TTC28: variants seen among roughly 807,000 people sequenced by gnomAD.
TTC28 encodes tetratricopeptide repeat protein 28.
A neutral mutation model predicts 198.0 loss-of-function variants in TTC28; 61 were observed. The ratio of observed to expected loss-of-function variants is 0.31; its 90% CI spans 0.25 to 0.38. The LOEUF is 0.38. Among genes scored for constraint, TTC28 ranks in the 10% least tolerant of loss-of-function variants. The pLI is 1.00. For missense variants in TTC28, 2,678 were observed against 3,164.0 expected, an observed-to-expected ratio of 0.85 and a Z score of 3.69; for synonymous variants, 1,171 against 1,297.8, an observed-to-expected ratio of 0.90 and a Z score of 2.10.
intron 2 of TTC28, among the ~76,000 whole-genome samples, chr22:28,386,733 C>G (rs1445351724): frequency 6.6e-6 from 1 of 152,146 alleles, no homozygotes; most frequent in South Asian, 2.1e-4. Context: ...TAATCATATA[C>G]TACTGCATTT....
intron 2 of TTC28, among the ~76,000 whole-genome samples, chr22:28,545,089 C>A (rs966390045): frequency 3.3e-5 from 5 of 152,166 alleles, no homozygotes; most frequent in African/African-American, 1.2e-4. Flanking sequence ...AATCGAAGAA[C>A]CCTCTCTTGG....
intron 6 of TTC28, among the ~76,000 whole-genome samples, chr22:28,150,021 T>C (rs900503837): frequency 6.6e-6 from 1 of 152,148 alleles, no homozygotes; most frequent in Admixed American, 6.6e-5. Flanking sequence ...ATATACTTTG[T>C]CAATTAAAAG....
chr22:28,217,978 G>C (rs1034381949), intron 5 of TTC28, among the ~76,000 whole-genome samples: 2 of 152,030 alleles, frequency 1.3e-5, no homozygotes, highest in Non-Finnish European at 2.9e-5. Context: ...ATCTGCTTCT[G>C]CATTTAATCT....
intron 5 of TTC28, among the ~76,000 whole-genome samples, chr22:28,224,801 A>G (rs1217849726): frequency 6.6e-6 from 1 of 152,148 alleles, no homozygotes; most frequent in African/African-American, 2.4e-5. Context: ...AGAAACCTCT[A>G]TATAGTGTGA....
chr22:28,037,284 C>A (rs1209861354), intron 12 of TTC28, among the ~76,000 whole-genome samples: 3 of 152,166 alleles, frequency 2.0e-5, no homozygotes, highest in Admixed American at 6.6e-5. Flanking sequence ...TACTGGCAAA[C>A]CGAATCCAGC....
intron 4 of TTC28, 127 bp from the exon 5 acceptor site, chr22:28,296,455 T>C (rs2044898308): frequency 1.1e-6 from 1 of 872,810 alleles, no homozygotes; most frequent in Non-Finnish European, 1.6e-6. Context: ...TATCTTCTAT[T>C]AGAAAAGTAT....
At chr22:28,075,941 A>C (rs1396384842) in intron 12 of TTC28, among the ~76,000 whole-genome samples, 1 of 152,218 alleles carries the variant, frequency 6.6e-6, no homozygotes, top group Non-Finnish European at 1.5e-5. Flanking sequence ...AAGGCCAAGA[A>C]TTCCAGCTAT....
intron 2 of TTC28, among the ~76,000 whole-genome samples, chr22:28,552,622 G>C (rs1353095601): frequency 6.6e-6 from 1 of 152,122 alleles, no homozygotes; most frequent in Non-Finnish European, 1.5e-5. Flanking sequence ...AAAACATAAA[G>C]TGGGGAAAGG....
intron 6 of TTC28, among the ~76,000 whole-genome samples, chr22:28,121,657 C>T (rs979237115): frequency 1.3e-5 from 2 of 152,218 alleles, no homozygotes; most frequent in Admixed American, 1.3e-4. Context: ...TTAAAAAATG[C>T]TTGTGGCAGA....
chr22:28,563,906 C>T (rs952290971), intron 2 of TTC28, among the ~76,000 whole-genome samples: 2 of 151,966 alleles, frequency 1.3e-5, no homozygotes, highest in African/African-American at 2.4e-5. Context: ...TGTCCATTAA[C>T]GAATGAATGG....
chr22:28,278,337 C>T (rs16986248), intron 5 of TTC28, among the ~76,000 whole-genome samples: 3,131 of 152,270 alleles, frequency 0.021, 31 homozygotes, highest in Non-Finnish European at 0.026. Context: ...AAATCATCCA[C>T]TATCAACGGT....
At chr22:28,095,837 T>C (rs1027098113) in intron 11 of TTC28, among the ~76,000 whole-genome samples, 2 of 152,220 alleles carry the variant, frequency 1.3e-5, no homozygotes, top group Non-Finnish European at 1.5e-5. Flanking sequence ...TATTAAACCA[T>C]GTCTAGAAAG....
chr22:28,128,120 A>C (rs1228657880), intron 6 of TTC28, among the ~76,000 whole-genome samples: 1 of 152,112 alleles, frequency 6.6e-6, no homozygotes, highest in African/African-American at 2.4e-5. Context: ...CTTAAATTTC[A>C]AGCGTTGGCT....
chr22:28,093,006 T>C (rs1469040221), intron 12 of TTC28, among the ~76,000 whole-genome samples: 1 of 152,202 alleles, frequency 6.6e-6, no homozygotes, highest in Admixed American at 6.5e-5. Flanking sequence ...CCTGGAAGTC[T>C]GGGTGAGATG....
chr22:28,508,875 T>C (rs553045860), intron 2 of TTC28, among the ~76,000 whole-genome samples: 1 of 152,082 alleles, frequency 6.6e-6, no homozygotes, highest in Non-Finnish European at 1.5e-5. Context: ...CTGGATCAAG[T>C]GGACCTGATA....
intron 2 of TTC28, among the ~76,000 whole-genome samples, chr22:28,468,802 G>T (rs2048061092): frequency 6.6e-6 from 1 of 150,478 alleles, no homozygotes; most frequent in Admixed American, 6.7e-5. Flanking sequence ...CTCTCTAAGA[G>T]CTGCGATTAC....
intron 2 of TTC28, among the ~76,000 whole-genome samples, chr22:28,620,547 A>G (rs965464805): frequency 2.0e-5 from 3 of 152,212 alleles, no homozygotes; most frequent in Non-Finnish European, 4.4e-5. Flanking sequence ...AGAGATCCTA[A>G]CACAGTTCTT....
intron 5 of TTC28, among the ~76,000 whole-genome samples, chr22:28,295,265 T>C (rs374823745): frequency 1.3e-5 from 2 of 152,192 alleles, no homozygotes; most frequent in South Asian, 4.1e-4. Flanking sequence ...TAAGGTCCCA[T>C]AGTAGAATTC....
intron 5 of TTC28, among the ~76,000 whole-genome samples, chr22:28,191,524 G>A (rs933730362): frequency 9.9e-5 from 15 of 152,232 alleles, no homozygotes; most frequent in Admixed American, 9.8e-4. Flanking sequence ...AGGGGTCAGG[G>A]AATTCCCTTT....
Sources: gnomAD v4.1 joint callset for allele counts (sites outside exome capture counted in the v4.1 genomes callset) on GRCh38, gnomAD v4.1.1 for gene constraint, MANE v1.5 for transcripts, NCBI Gene and HGNC (gene_info 2026-07-23, HGNC 2026-07-21) for gene names.